The following AP2A2 variants were observed in gnomAD, a reference collection of about 807,000 sequenced individuals.
AP2A2 encodes AP-2 complex subunit alpha-2.
AP2A2 carries 32 observed loss-of-function variants against 104.2 expected under a neutral mutation model. The observed-to-expected ratio is 0.31, with a 90% CI of 0.23 to 0.41. The LOEUF (loss-of-function observed/expected upper bound fraction) is 0.41. Among genes scored for constraint, AP2A2 ranks in the 10% least tolerant of loss-of-function variants. The pLI is 1.00. For synonymous variants in AP2A2, 539 were observed against 533.3 expected, an observed-to-expected ratio of 1.01 and a Z score of -0.15; for missense variants, 912 against 1,261.0, an observed-to-expected ratio of 0.72 and a Z score of 4.19.
intron 17 of AP2A2, 48 bp from the exon 18 acceptor site, chr11:1,007,964 C>T (rs372922260): frequency 1.3e-4 from 200 of 1,550,882 alleles, no homozygotes; most frequent in Middle Eastern, 1.0e-3. Flanking sequence ...GGCCCGTTTC[C>T]GCTTCTGCCA....
intron 1 of AP2A2, among the ~76,000 whole-genome samples, chr11:933,851 T>C (rs930206371): frequency 6.6e-6 from 1 of 152,200 alleles, no homozygotes; most frequent in Non-Finnish European, 1.5e-5. Flanking sequence ...GGGGAACTTG[T>C]ATCTTCTGTT....
At chr11:965,850 T>C (rs1854597061) in intron 2 of AP2A2, among the ~76,000 whole-genome samples, 1 of 152,242 alleles carries the variant, frequency 6.6e-6, no homozygotes, top group South Asian at 2.1e-4. Context: ...AGTTTCTTTC[T>C]TTTTTAAAGA....
intron 5 of AP2A2, among the ~76,000 whole-genome samples, chr11:978,218 C>T (rs1391958618): frequency 1.3e-5 from 2 of 152,118 alleles, no homozygotes; most frequent in South Asian, 2.1e-4. Flanking sequence ...ACATGGCAGC[C>T]GGTCACTGGG....
intron 3 of AP2A2, among the ~76,000 whole-genome samples, chr11:970,790 C>T (rs1430844689): frequency 6.6e-6 from 1 of 152,224 alleles, no homozygotes; most frequent in Non-Finnish European, 1.5e-5. Flanking sequence ...TCCCGTGGTC[C>T]CTTGGACAGC....
intron 15 of AP2A2, among the ~76,000 whole-genome samples, chr11:1,001,132 C>T (rs1436421576): frequency 1.3e-5 from 2 of 152,226 alleles, no homozygotes; most frequent in African/African-American, 4.8e-5. Context: ...GGCAGCCTGT[C>T]TTTGCTGCTT....
At chr11:939,951 C>CTTTTTT (rs145184268) in intron 1 of AP2A2, among the ~76,000 whole-genome samples, 21 of 106,044 alleles carry the variant, frequency 2.0e-4, no homozygotes, top group East Asian at 5.1e-4. Flanking sequence ...GTTTTGCTTA[C>CTTTTTT]TTTTTTTTTT....
In AP2A2 at chr11:985,312, G is replaced by T. The variant is rs1048861305; in HGVS notation, c.815-123G>T. On this transcript the variant is annotated intron_variant, in intron 7 of 21. Transcript: ENST00000448903. ...TCAGTTTTGTAAATGCTTCCAGCTGGGTACACAAATGTGAATGAACTATAT... is the reference window on the plus strand; with the variant it reads ...TCAGTTTTGTAAATGCTTCCAGCTGTGTACACAAATGTGAATGAACTATAT... 1.2e-5 allele frequency: 16 copies of T among 1,289,794 alleles called. No homozygotes were observed. In the East Asian group the frequency reaches 2.6e-4, roughly 21 times the overall value. 79.9% of individuals were successfully genotyped at this position (1,289,794 alleles called of 1,614,324 possible).
intron 1 of AP2A2, among the ~76,000 whole-genome samples, chr11:939,499 C>T (rs1853573233): frequency 6.6e-6 from 1 of 151,750 alleles, no homozygotes; most frequent in South Asian, 2.1e-4. Flanking sequence ...GGCTGGAGTA[C>T]AGTGGTGGGA....
rs139876698 is a variant in AP2A2, at chr11:958,011, G to A, written c.68-1426G>A. On this transcript the variant is annotated intron_variant, in intron 1 of 21. Transcript: ENST00000448903. ...TTAAGGTTCCCTCTAGCTGTGGACC[G>A]AGTTGCCTCCGTGGCTCCACCCCAG... Among the ~76,000 whole-genome samples, 447 of 152,342 alleles carry A rather than the reference G, an allele frequency of 2.9e-3. 12 individuals are homozygous for A. Among genetic ancestry groups the A allele is most frequent in the Admixed American group, 0.027 (419 of 15,296 alleles).
chr11:943,758 A>C (rs1473741452), intron 1 of AP2A2, among the ~76,000 whole-genome samples: 4 of 149,568 alleles, frequency 2.7e-5, no homozygotes, highest in Non-Finnish European at 5.9e-5. Flanking sequence ...TGCAGGTGGC[A>C]GCGGAGATGG....
chr11:971,436 G>A lies in AP2A2; in HGVS notation c.280-626G>A, dbSNP rs11823934. On this transcript the variant is annotated intron_variant, in intron 3 of 21. Transcript: ENST00000448903. ...CCCTCGTGGCGTCTTCCTGGGAGCC[G>A]TGGGAGGCTGGGTACATCTTTAACC... is the stretch of plus-strand genomic sequence containing the variant. 8.8e-3 allele frequency among the ~76,000 whole-genome samples: 1,343 copies of A among 152,300 alleles called. 23 individuals carry two copies. The highest frequency in any genetic ancestry group is 0.031 in the African/African-American group (1,278 of 41,550).
intron 1 of AP2A2, 58 bp from the exon 2 acceptor site, chr11:959,379 A>G: frequency 8.5e-7 from 1 of 1,173,858 alleles, no homozygotes. Flanking sequence ...TTATCAGGGA[A>G]ATGGTGTTTC....
rs1856458237 is a variant in AP2A2, at chr11:1,012,147, G to C, written c.*1522G>C. 2 of 152,638 alleles carry C rather than the reference G, an allele frequency of 1.3e-5. No homozygotes were observed. Among genetic ancestry groups the C allele is most frequent in the Non-Finnish European group, 2.9e-5 (2 of 68,392 alleles). The allele number at this position is 152,638 out of a possible 1,614,324, so 9.5% of individuals were successfully genotyped here. ...GACCCCTCCCGCCATCAGAGGAAAG[G>C]CTGCTCCCCGAGGCACCGCTTCCCT... On this transcript the variant is annotated 3_prime_UTR_variant, in exon 22 of 22. Transcript: ENST00000448903.
rs549471843 is a variant in AP2A2 at position 932,797 on chromosome 11, A to G, written c.67+6709A>G. The G allele has an allele frequency of 1.1e-5, 5 of 455,862 alleles. No homozygotes were observed. The East Asian group carries it at 3.5e-4, about 32-fold the overall frequency. The allele number at this position is 455,862 out of a possible 1,614,324, so 28.2% of individuals were successfully genotyped here. A position where few individuals can be genotyped will look rare whatever the true frequency, so the allele number is the denominator to read the frequency against. On this transcript the variant is annotated intron_variant, in intron 1 of 21. Coordinates refer to ENST00000448903, the MANE Select transcript of AP2A2 (RefSeq NM_012305.4). ...CTGAAGGTCAGGATCACTTTCTTTT[A>G]TGACAAGTTGAAGTGTCCTGGTGGT...
At chr11:970,566 G>A (rs1043689851) in intron 3 of AP2A2, among the ~76,000 whole-genome samples, 1 of 152,264 alleles carries the variant, frequency 6.6e-6, no homozygotes, top group Non-Finnish European at 1.5e-5. Flanking sequence ...TCCTGCATGC[G>A]GTTTTCCTGA....
intron 4 of AP2A2, among the ~76,000 whole-genome samples, chr11:975,966 G>T (rs534553717): frequency 6.6e-6 from 1 of 152,210 alleles, no homozygotes. Context: ...GAGGAGTGTG[G>T]CATGCTGGGC....
intron 10 of AP2A2, among the ~76,000 whole-genome samples, chr11:991,411 T>C (rs1855650797): frequency 6.6e-6 from 1 of 152,122 alleles, no homozygotes. Context: ...TGTGGACTTC[T>C]GCAGAAGGTG....
Position 996,588 on chromosome 11 carries a change from G to A in AP2A2, c.1956+2343G>A, listed in dbSNP as rs7480376. Among the ~76,000 whole-genome samples the A allele has an allele frequency of 3.9e-3, 587 of 152,308 alleles. 2 individuals are homozygous for A. Among genetic ancestry groups the A allele is most frequent in the Middle Eastern group, 0.014 (4 of 294 alleles). ...GACTTTGGAGGGCCTGGCCTTGACT[G>A]TGTGGCTTAGGGATCAGATGGAAGC... On this transcript the variant is annotated intron_variant, in intron 14 of 21. Transcript: ENST00000448903.
At chr11:988,933 T>C in intron 10 of AP2A2, 1 of 543,752 alleles carries the variant, frequency 1.8e-6, no homozygotes, top group Non-Finnish European at 3.3e-6. Context: ...AGGTTGAGGC[T>C]GCAGTGAGTC....
Sources: allele counts gnomAD v4.1 joint callset (sites outside exome capture counted in the v4.1 genomes callset), GRCh38; gene constraint gnomAD v4.1.1; transcripts MANE v1.5; gene names NCBI Gene and HGNC (gene_info 2026-07-23, HGNC 2026-07-21).